The following PWWP2A variants were observed in gnomAD, a reference collection of about 807,000 sequenced individuals.
PWWP2A encodes PWWP domain containing 2A.
Under a neutral mutation model 48.5 loss-of-function variants are expected in PWWP2A, and 18 were observed. The ratio of observed to expected loss-of-function variants is 0.37; its 90% CI spans 0.26 to 0.55. The LOEUF is 0.55. Ranked by LOEUF, PWWP2A falls within the 20% of genes least tolerant of loss-of-function variation. The pLI is 0.81. For synonymous variants in PWWP2A, 396 were observed against 387.7 expected (o/e 1.02, Z -0.25); for missense variants, 867 against 976.4 (o/e 0.89, Z 1.49).
chr5:160,074,064 CAAAAAAA>C (rs57010218), downstream of PWWP2A, among the ~76,000 whole-genome samples: 6 of 71,628 alleles, frequency 8.4e-5, 1 homozygote, highest in South Asian at 2.5e-3. Flanking sequence ...GACTCCGTTT[CAAAAAAA>C]AAAAAAAAAA....
downstream of PWWP2A, among the ~76,000 whole-genome samples, chr5:160,059,621 T>A (rs1368580759): frequency 4.6e-5 from 7 of 152,314 alleles, no homozygotes; most frequent in Admixed American, 4.6e-4. Context: ...TTGTTGTGGC[T>A]TAGGGAAGAG....
intron 1 of PWWP2A, among the ~76,000 whole-genome samples, chr5:160,100,302 A>G (rs1224889123): frequency 1.3e-5 from 2 of 151,900 alleles, no homozygotes; most frequent in Non-Finnish European, 2.9e-5. Flanking sequence ...GTGAGACTTC[A>G]TTCTCAAAAA....
intron 1 of PWWP2A, among the ~76,000 whole-genome samples, chr5:160,094,474 C>T (rs1755407834): frequency 6.6e-6 from 1 of 152,202 alleles, no homozygotes; most frequent in Non-Finnish European, 1.5e-5. Flanking sequence ...GTTATAACAG[C>T]TTTCAAAACC....
the PWWP2A span, among the ~76,000 whole-genome samples, chr5:160,048,155 T>C: frequency 3.0e-5 from 1 of 33,486 alleles, no homozygotes; most frequent in East Asian, 1.4e-3. Context: ...TTTTTTTTTT[T>C]TTTTTTTGGG....
chr5:160,106,533 AT>A (rs1340078877), intron 1 of PWWP2A, among the ~76,000 whole-genome samples: 1 of 152,210 alleles, frequency 6.6e-6, no homozygotes, highest in Non-Finnish European at 1.5e-5. Flanking sequence ...AACCTCACAC[AT>A]TAAAAAAACA....
At chr5:160,053,295 T>A in the PWWP2A span, among the ~76,000 whole-genome samples, 3 of 152,220 alleles carry the variant, frequency 2.0e-5, no homozygotes, top group Non-Finnish European at 4.4e-5. Flanking sequence ...AAAAATTTTT[T>A]AAATTGGGTA....
chr5:160,072,880 T>C (rs1257308568), downstream of PWWP2A, among the ~76,000 whole-genome samples: 2 of 151,824 alleles, frequency 1.3e-5, no homozygotes, highest in East Asian at 3.9e-4. Flanking sequence ...GGCAGGTGCC[T>C]GTAATCCCAG....
At chr5:160,060,336 T>A (rs1757664853), downstream of PWWP2A, among the ~76,000 whole-genome samples, 1 of 152,220 alleles carries the variant, frequency 6.6e-6, no homozygotes, top group Non-Finnish European at 1.5e-5. Context: ...GGTGATATGC[T>A]ACTTGGCAGA....
intron 1 of PWWP2A, among the ~76,000 whole-genome samples, chr5:160,111,930 G>A (rs992166429): frequency 1.3e-5 from 2 of 151,754 alleles, no homozygotes; most frequent in Admixed American, 6.6e-5. Context: ...CCAGGCGGAT[G>A]AGCCTGGGCA....
At chr5:160,051,135 C>G in the PWWP2A span, 1 of 1,600,540 alleles carries the variant, frequency 6.2e-7, no homozygotes, top group Non-Finnish European at 8.5e-7. Flanking sequence ...TCAGAGATTA[C>G]CTAAGCAAAT....
chr5:160,104,404 C>T (rs1003913313), intron 1 of PWWP2A, among the ~76,000 whole-genome samples: 11 of 150,778 alleles, frequency 7.3e-5, no homozygotes, highest in Non-Finnish European at 1.5e-5. Context: ...GCACTCCAGG[C>T]GGGATGACAG....
At chr5:160,112,884 G>A (rs1757731631) in intron 1 of PWWP2A, among the ~76,000 whole-genome samples, 2 of 152,208 alleles carry the variant, frequency 1.3e-5, no homozygotes, top group Admixed American at 1.3e-4. Flanking sequence ...CAGGCCAGGA[G>A]TGGTGGCTCA....
At chr5:160,048,126 CTTTTTTT>C in the PWWP2A span, among the ~76,000 whole-genome samples, 21 of 35,564 alleles carry the variant, frequency 5.9e-4, no homozygotes, top group African/African-American at 2.4e-3. Flanking sequence ...CAAGACATTG[CTTTTTTT>C]TTTTTTTTTT....
At chr5:160,062,425 C>T (rs1270606663) in intron 5 of PWWP2A, among the ~76,000 whole-genome samples, 1 of 152,184 alleles carries the variant, frequency 6.6e-6, no homozygotes, top group South Asian at 2.1e-4. Context: ...GTAGCCTCTT[C>T]GTGCCACTGC....
Position 160,118,986 on chromosome 5 carries a change from G to A in PWWP2A, c.403C>T (p.Leu135=). The A allele has an allele frequency of 6.3e-7, 1 of 1,597,510 alleles. No individual in the cohort carries two copies. Among genetic ancestry groups the A allele is most frequent in the South Asian group, 1.1e-5 (1 of 89,750 alleles). Residue 135 remains leucine, a synonymous_variant, in exon 1 of 2, where the codon CTG becomes TTG. Coordinates refer to ENST00000307063, the MANE Select transcript of PWWP2A (RefSeq NM_001130864.2). ...PAPEEREEPP[L]PQPVAPALVP... ...AGCGCCGGGGCTACGGGCTGAGGCA[G>A]CGGCGGCTCCTCGCGCTCCTCGGGA...
chr5:160,045,510 ACACATACACACTCTCTCTCT>A, the PWWP2A span, among the ~76,000 whole-genome samples: 4 of 58,590 alleles, frequency 6.8e-5, no homozygotes, highest in African/African-American at 3.1e-4. Flanking sequence ...ACACACACAC[ACACATACACACTCTCTCTCT>A]CTCTCTCTCT....
chr5:160,109,780 T>C (rs1216838873), intron 1 of PWWP2A, among the ~76,000 whole-genome samples: 2 of 60,662 alleles, frequency 3.3e-5, no homozygotes, highest in African/African-American at 1.0e-4. Flanking sequence ...AAAAAATATA[T>C]ATATATATAT....
intron 1 of PWWP2A, among the ~76,000 whole-genome samples, chr5:160,096,452 G>A (rs1755659255): frequency 6.6e-6 from 1 of 152,194 alleles, no homozygotes; most frequent in African/African-American, 2.4e-5. Flanking sequence ...CAGGACAAAA[G>A]AGGTGCTTCT....
At chr5:160,085,354 T>C (rs1038922099) in intron 2 of PWWP2A, among the ~76,000 whole-genome samples, 2 of 152,188 alleles carry the variant, frequency 1.3e-5, no homozygotes, top group Admixed American at 6.5e-5. Context: ...AAAAGTGTGA[T>C]CATAACAGTC....
Sources: gnomAD v4.1 joint callset for allele counts (sites outside exome capture counted in the v4.1 genomes callset) on GRCh38, gnomAD v4.1.1 for gene constraint, MANE v1.5 for transcripts, NCBI Gene and HGNC (gene_info 2026-07-23, HGNC 2026-07-21) for gene names.